Variants in FAM193A observed in about 807,000 individuals in gnomAD.
FAM193A encodes protein FAM193A.
FAM193A carries 22 observed loss-of-function variants against 126.5 expected under a neutral mutation model. That is an observed-to-expected ratio of 0.17 (90% CI 0.12 to 0.25). The LOEUF (loss-of-function observed/expected upper bound fraction) is 0.25, where lower values mean the gene tolerates loss of function less well. Among genes scored for constraint, FAM193A ranks in the 10% least tolerant of loss-of-function variants. The pLI is 1.00. For synonymous variants in FAM193A, 761 were observed against 646.8 expected (o/e 1.18, Z -2.68); for missense variants, 1,675 against 1,672.8 (o/e 1.00, Z -0.02).
chr4:2,665,416 G>T (rs1310850876), intron 12 of FAM193A, among the ~76,000 whole-genome samples: 1 of 152,146 alleles, frequency 6.6e-6, no homozygotes, highest in Non-Finnish European at 1.5e-5. Flanking sequence ...AGATCATGTT[G>T]TCTGCAAATA....
intron 19 of FAM193A, among the ~76,000 whole-genome samples, chr4:2,703,020 C>G (rs1717913825): frequency 6.6e-6 from 1 of 151,742 alleles, no homozygotes; most frequent in South Asian, 2.1e-4. Flanking sequence ...TAATCAGTTT[C>G]TTATTTGCTT....
intron 18 of FAM193A, among the ~76,000 whole-genome samples, chr4:2,698,195 C>T (rs1424366302): frequency 6.6e-5 from 10 of 152,248 alleles, no homozygotes; most frequent in South Asian, 6.2e-4. Flanking sequence ...AGGTCCAAAC[C>T]GGGGGCCTGT....
intron 12 of FAM193A, among the ~76,000 whole-genome samples, chr4:2,666,973 C>T (rs978993655): frequency 1.3e-5 from 2 of 152,084 alleles, no homozygotes; most frequent in South Asian, 4.1e-4. Flanking sequence ...TTATTTCTTT[C>T]TATGTTCTTT....
intron 20 of FAM193A, among the ~76,000 whole-genome samples, chr4:2,724,170 A>G (rs936207823): frequency 3.3e-5 from 5 of 152,206 alleles, no homozygotes; most frequent in African/African-American, 1.2e-4. Flanking sequence ...AATCTTTTAA[A>G]CAGATCCATC....
rs749463103 is a variant in FAM193A at position 2,631,130 on chromosome 4, C to T, written c.999C>T (p.Cys333=). 1 of 1,613,016 alleles carries T rather than the reference C, an allele frequency of 6.2e-7. No individual in the cohort carries two copies. Among genetic ancestry groups the T allele is most frequent in the South Asian group, 1.1e-5 (1 of 90,842 alleles). Reference sequence around the variant, plus strand: ...TGCTTGAGGAGTACGGCGCCCTCTGCCAGGCCGCACGCTCCATCAGCACCT... The same window carrying T: ...TGCTTGAGGAGTACGGCGCCCTCTGTCAGGCCGCACGCTCCATCAGCACCT... ...SLLLEEYGAL[C]QAARSISTFL... is the part of the protein sequence containing the mutation. Residue 333 remains cysteine (C), a synonymous_variant, in exon 5 of 21, where the codon TGC becomes TGT. Coordinates refer to ENST00000637812, the MANE Select transcript of FAM193A (RefSeq NM_001366318.2).
At chr4:2,626,936 G>C (rs1417969070) in intron 4 of FAM193A, among the ~76,000 whole-genome samples, 1 of 151,976 alleles carries the variant, frequency 6.6e-6, no homozygotes, top group Admixed American at 6.6e-5. Flanking sequence ...AAGGAGAAAG[G>C]CCGAGTTAGC....
At chr4:2,715,937 A>G (rs1719487588) in intron 19 of FAM193A, 86 bp from the exon 20 acceptor site, 2 of 838,786 alleles carry the variant, frequency 2.4e-6, no homozygotes, top group Admixed American at 3.9e-5. Context: ...AGTTGTTTAA[A>G]TTGAGCGAAG....
intron 7 of FAM193A, among the ~76,000 whole-genome samples, chr4:2,650,398 C>T (rs1426697932): frequency 1.3e-5 from 2 of 152,198 alleles, no homozygotes; most frequent in African/African-American, 2.4e-5. Context: ...AAGGAAAGAC[C>T]TTGAGAAGGA....
chr4:2,557,149 A>G (rs577364269), intron 1 of FAM193A, among the ~76,000 whole-genome samples: 131 of 152,318 alleles, frequency 8.6e-4, no homozygotes, highest in Non-Finnish European at 1.7e-3. Flanking sequence ...TAACAACAAT[A>G]ACAGTAATAG....
At chr4:2,694,782 C>T (rs1446239209) in intron 16 of FAM193A, among the ~76,000 whole-genome samples, 164 bp from the exon 17 acceptor site, 1 of 152,110 alleles carries the variant, frequency 6.6e-6, no homozygotes, top group Non-Finnish European at 1.5e-5. Context: ...CACGTGAGCC[C>T]CTTGCTGCTT....
intron 4 of FAM193A, among the ~76,000 whole-genome samples, chr4:2,626,784 C>T (rs1360299992): frequency 6.6e-6 from 1 of 152,172 alleles, no homozygotes; most frequent in Non-Finnish European, 1.5e-5. Flanking sequence ...TTTGATGAAA[C>T]GCTATTGCCT....
At chr4:2,651,200 C>G (rs1253619078) in intron 7 of FAM193A, among the ~76,000 whole-genome samples, 1 of 152,122 alleles carries the variant, frequency 6.6e-6, no homozygotes, top group Admixed American at 6.5e-5. Flanking sequence ...CGTGGTGGCA[C>G]ATGCCTGTAA....
intron 1 of FAM193A, among the ~76,000 whole-genome samples, chr4:2,542,866 C>T (rs781545168): frequency 6.6e-6 from 1 of 152,066 alleles, no homozygotes; most frequent in Non-Finnish European, 1.5e-5. Context: ...TGTGTTATAC[C>T]CAGGACCACC....
chr4:2,605,668 A>C (rs944537178), intron 2 of FAM193A, among the ~76,000 whole-genome samples: 2 of 152,172 alleles, frequency 1.3e-5, no homozygotes, highest in African/African-American at 4.8e-5. Flanking sequence ...TTTTCCAAAA[A>C]CAAGAATGGT....
intron 2 of FAM193A, among the ~76,000 whole-genome samples, chr4:2,616,331 A>G (rs184653516): frequency 2.4e-4 from 36 of 152,296 alleles, no homozygotes; most frequent in Middle Eastern, 3.4e-3. Context: ...TAGTGTGTAC[A>G]TGGAATATGG....
rs766521978 is a variant in FAM193A, at chr4:2,662,851, G to A, written c.1759G>A (p.Glu587Lys). The A allele has an allele frequency of 2.5e-6, 4 of 1,609,740 alleles. No homozygotes were observed. The South Asian group carries it at 3.3e-5, about 13-fold the overall frequency. The part of the protein sequence containing the change: ...GSAPTFCSDD[E>K]DVAPLSAKFA... ...TGCTTGTGTCAGTTGTAGTGATGATGAAGATGTTGCACCATTGTCAGCCAA... is the reference window on the plus strand; with the variant it reads ...TGCTTGTGTCAGTTGTAGTGATGATAAAGATGTTGCACCATTGTCAGCCAA... Residue 587 changes from glutamate (E) to lysine (K), a missense_variant, in exon 11 of 21, where the codon GAA becomes AAA. This residue lies in a region of FAM193A where 1,186 missense variants were observed against 1,109.2 expected (regional missense o/e 1.07). Coordinates refer to ENST00000637812, the MANE Select transcript of FAM193A (RefSeq NM_001366318.2).
intron 7 of FAM193A, among the ~76,000 whole-genome samples, chr4:2,651,934 G>A (rs977410864): frequency 6.6e-6 from 1 of 151,550 alleles, no homozygotes; most frequent in Admixed American, 6.6e-5. Flanking sequence ...AGAGTCCCTT[G>A]CAAGGGTCGT....
chr4:2,620,581 C>G (rs1318567349), intron 2 of FAM193A, among the ~76,000 whole-genome samples: 2 of 152,058 alleles, frequency 1.3e-5, no homozygotes, highest in Non-Finnish European at 2.9e-5. Flanking sequence ...GGGTGTGTGG[C>G]TCATGCCTGT....
chr4:2,561,456 T>C (rs1738607822), intron 1 of FAM193A, among the ~76,000 whole-genome samples: 2 of 150,882 alleles, frequency 1.3e-5, no homozygotes, highest in South Asian at 4.2e-4. Context: ...GTGCTGGGAT[T>C]ACAGGCATGA....
Sources: allele counts gnomAD v4.1 joint callset (sites outside exome capture counted in the v4.1 genomes callset), GRCh38; gene constraint gnomAD v4.1.1; regional missense constraint gnomAD v4.1.1; transcripts MANE v1.5; gene names NCBI Gene and HGNC (gene_info 2026-07-23, HGNC 2026-07-21).